The following IDNK variants were observed in gnomAD, a reference collection of about 807,000 sequenced individuals.
IDNK encodes the protein gluconokinase.
In IDNK, 9 loss-of-function variants were observed where a neutral mutation model predicts 13.0. The ratio of observed to expected loss-of-function variants is 0.69; its 90% confidence interval spans 0.42 to 1.21. IDNK has a LOEUF of 1.21. Among genes scored for constraint, IDNK ranks in the 50% most tolerant of loss-of-function variants. The pLI, the probability that IDNK is intolerant of heterozygous loss-of-function variation, is 0.00. For missense variants in IDNK, 210 were observed against 237.8 expected (o/e 0.88, Z 0.77); for synonymous variants, 92 against 94.9 (o/e 0.97, Z 0.18).
chr9:83,643,864 T>C lies in IDNK; in HGVS notation c.*84T>C. On this transcript the variant is annotated 3_prime_UTR_variant, in exon 5 of 5. Transcript: ENST00000376419. ...AACCTCGTTCCAGCCGCCTTGCCCA[T>C]ACTAGATTCTAAATGTTTCTAAAGG... The C allele has an allele frequency of 2.1e-6, 2 of 973,182 alleles. No homozygotes were observed. The highest frequency in any genetic ancestry group is 3.0e-6 in the Non-Finnish European group (2 of 661,370). 60.3% of individuals were successfully genotyped at this position (973,182 alleles called of 1,614,324 possible). A position where few individuals can be genotyped will look rare whatever the true frequency, so the allele number is the denominator to read the frequency against.
At chr9:83,639,261 C>T (rs1314187884) in intron 3 of IDNK, among the ~76,000 whole-genome samples, 2 of 152,066 alleles carry the variant, frequency 1.3e-5, no homozygotes, top group Non-Finnish European at 2.9e-5. Flanking sequence ...AAGTAATATA[C>T]AACAAAAGTA....
At chr9:83,625,665 A>G (rs1830829409) in intron 1 of IDNK, among the ~76,000 whole-genome samples, 1 of 152,212 alleles carries the variant, frequency 6.6e-6, no homozygotes, top group Admixed American at 6.5e-5. Context: ...GGAGCCCTAC[A>G]GGATTTTTTA....
chr9:83,643,969 GT>G lies in IDNK; in HGVS notation c.*193del. On this transcript the variant is annotated 3_prime_UTR_variant, in exon 5 of 5. Transcript: ENST00000376419. ...TGGTTCATCAGGAAGCAGAGGGGGA[GT>G]TTTAAAAGTCAAGCTTAAATTGAAG... 7.6e-6 allele frequency: 4 copies of G among 528,632 alleles called. No individual in the cohort carries two copies. Among genetic ancestry groups the G allele is most frequent in the Non-Finnish European group, 1.3e-5 (4 of 298,148 alleles). 32.7% of individuals were successfully genotyped at this position (528,632 alleles called of 1,614,324 possible).
chr9:83,628,710 T>C (rs1830929803), intron 2 of IDNK, among the ~76,000 whole-genome samples, 163 bp from the exon 3 acceptor site: 1 of 151,734 alleles, frequency 6.6e-6, no homozygotes, highest in African/African-American at 2.4e-5. Context: ...ATGGGGGTTG[T>C]GAAATGGCAT....
At chr9:83,633,124 G>C (rs1011740348) in intron 3 of IDNK, among the ~76,000 whole-genome samples, 8 of 152,202 alleles carry the variant, frequency 5.3e-5, no homozygotes, top group Non-Finnish European at 1.0e-4. Context: ...CAGATCACAA[G>C]GTCAGGAGAT....
intron 1 of IDNK, among the ~76,000 whole-genome samples, chr9:83,625,024 CTTCT>C: frequency 6.6e-6 from 1 of 152,256 alleles, no homozygotes; most frequent in South Asian, 2.1e-4. Context: ...TAAGGCTTGG[CTTCT>C]TTAAGGAGCA....
intron 3 of IDNK, 116 bp from the exon 4 acceptor site, chr9:83,641,432 C>T: frequency 8.6e-7 from 1 of 1,156,920 alleles, no homozygotes; most frequent in East Asian, 2.4e-5. Flanking sequence ...CTCCTCACAC[C>T]ACTGAGCTCT....
At chr9:83,641,853 T>C (rs2811918) in intron 4 of IDNK, among the ~76,000 whole-genome samples, 19,739 of 152,250 alleles carry the variant, frequency 0.13, 1,608 homozygotes, top group Middle Eastern at 0.26. Context: ...CTACTTGGTT[T>C]CCATAAGTCT....
intron 3 of IDNK, among the ~76,000 whole-genome samples, chr9:83,633,954 G>A (rs1434739560): frequency 6.6e-6 from 1 of 152,176 alleles, no homozygotes; most frequent in East Asian, 1.9e-4. Flanking sequence ...TTCCCCACAA[G>A]CACATCCATG....
intron 3 of IDNK, among the ~76,000 whole-genome samples, chr9:83,639,151 A>G (rs571980080): frequency 7.9e-4 from 120 of 152,310 alleles, no homozygotes; most frequent in Admixed American, 1.5e-3. Flanking sequence ...CATCACCAAA[A>G]TGGTTGGGAA....
intron 3 of IDNK, among the ~76,000 whole-genome samples, chr9:83,636,224 C>A (rs1831163404): frequency 6.6e-6 from 1 of 152,102 alleles, no homozygotes; most frequent in Non-Finnish European, 1.5e-5. Flanking sequence ...GGGTATTGGA[C>A]CAAAAGCACC....
chr9:83,643,558 G>C lies in IDNK; in HGVS notation c.342G>C (p.Gln114His), dbSNP rs375097120. 1 of 1,613,918 alleles carries C rather than the reference G, an allele frequency of 6.2e-7. No individual in the cohort carries two copies. The highest frequency in any genetic ancestry group is 1.3e-5 in the African/African-American group (1 of 74,858). ...KCEESGKEAKQAEMQLLVVHL... is the reference protein window; with the variant it reads ...KCEESGKEAKHAEMQLLVVHL... ...AGGAGTCGGGAAAGGAAGCAAAGCA[G>C]GCTGAGATGCAGCTCCTGGTGGTCC... The change falls in exon 5 of 5, where the codon CAG (glutamine) becomes CAC (histidine). Residue 114 changes from glutamine to histidine, a missense_variant. Coordinates refer to ENST00000376419, the MANE Select transcript of IDNK (RefSeq NM_001001551.4).
At chr9:83,623,257 A>G (rs2131613392) in intron 1 of IDNK, 36 bp downstream of exon 1, 1 of 1,374,906 alleles carries the variant, frequency 7.3e-7, no homozygotes, top group Non-Finnish European at 9.4e-7. Context: ...GCCCGGGACA[A>G]GTGTTGCGGG....
At chr9:83,643,048 G>A (rs1831355601) in intron 4 of IDNK, among the ~76,000 whole-genome samples, 1 of 152,216 alleles carries the variant, frequency 6.6e-6, no homozygotes, top group African/African-American at 2.4e-5. Context: ...CATGCCGGCA[G>A]CCCTGTGTCC....
upstream of IDNK, chr9:83,623,131 G>C: frequency 7.1e-7 from 1 of 1,406,540 alleles, no homozygotes; most frequent in South Asian, 1.6e-5. Flanking sequence ...GCCGGGGCCG[G>C]CGGGGCCCGG....
At chr9:83,632,050 AT>A (rs986085502) in intron 3 of IDNK, among the ~76,000 whole-genome samples, 1 of 152,144 alleles carries the variant, frequency 6.6e-6, no homozygotes, top group Non-Finnish European at 1.5e-5. Context: ...GTACTAAAAA[AT>A]TTTTTCACAA....
At chr9:83,641,513 C>T (rs759878871) in intron 3 of IDNK, 35 bp from the exon 4 acceptor site, 22 of 1,610,972 alleles carry the variant, frequency 1.4e-5, no homozygotes, top group South Asian at 3.3e-5. Context: ...GGAGAAGTCA[C>T]GTTGTGTCTG....
At chr9:83,638,270 T>C (rs997403488) in intron 3 of IDNK, among the ~76,000 whole-genome samples, 1 of 151,968 alleles carries the variant, frequency 6.6e-6, no homozygotes, top group Admixed American at 6.6e-5. Context: ...TAGGAAAATT[T>C]GAAAAAGAAT....
intron 1 of IDNK, 136 bp from the exon 2 acceptor site, chr9:83,628,045 C>T (rs970572964): frequency 6.7e-7 from 1 of 1,482,022 alleles, no homozygotes; most frequent in African/African-American, 1.4e-5. Context: ...ACGGGCATCA[C>T]TGCTTTAGGA....
Sources: allele counts gnomAD v4.1 joint callset (sites outside exome capture counted in the v4.1 genomes callset), GRCh38; gene constraint gnomAD v4.1.1; transcripts MANE v1.5; gene names NCBI Gene and HGNC (gene_info 2026-07-23, HGNC 2026-07-21).